DACH2: variants seen among roughly 807,000 people sequenced by gnomAD.
DACH2 encodes the protein dachshund homolog 2.
In DACH2, 17 loss-of-function variants were observed where a neutral mutation model predicts 35.8. The ratio of observed to expected loss-of-function variants is 0.48; its 90% CI spans 0.33 to 0.71. The LOEUF is 0.71. DACH2 is among the 30% of genes least tolerant of loss of function. The pLI is 0.02. For missense variants in DACH2, 469 were observed against 472.7 expected (o/e 0.99, Z 0.07); for synonymous variants, 195 against 177.3 (o/e 1.10, Z -0.79).
At position 86,246,053 on chromosome X, in the gene DACH2, G is replaced by A. The variant is rs772365074; in HGVS notation, c.488+96945G>A. Among the ~76,000 whole-genome samples, 4 of 111,406 alleles carry A rather than the reference G, an allele frequency of 3.6e-5. No homozygotes were observed. The South Asian group carries it at 1.5e-3, about 42-fold the overall frequency. The stretch of plus-strand genomic sequence containing the variant: ...AAGTATTAGCAACAGAATACACCAA[G>A]CCGAGGAAAGGATCTCAGGGCTTGA... On this transcript the variant is annotated intron_variant, in intron 1 of 11. Coordinates refer to ENST00000373125, the MANE Select transcript of DACH2 (RefSeq NM_053281.3).
chrX:86,425,804 G>A, intron 2 of DACH2, among the ~76,000 whole-genome samples: 1 of 110,890 alleles, frequency 9.0e-6, no homozygotes, highest in East Asian at 2.8e-4. Context: ...AGGGTTAGGT[G>A]AGATTTGAGG....
chrX:86,421,911 T>C (rs2036809475), intron 2 of DACH2, among the ~76,000 whole-genome samples: 1 of 111,304 alleles, frequency 9.0e-6, no homozygotes, highest in Non-Finnish European at 1.9e-5. Flanking sequence ...TTCTTACCAT[T>C]GACCTTGCAG....
chrX:86,569,031 A>G (rs770069960), intron 3 of DACH2, among the ~76,000 whole-genome samples: 1 of 111,505 alleles, frequency 9.0e-6, no homozygotes, highest in South Asian at 3.7e-4. Context: ...TTACATAAAC[A>G]CATTTGTTTT....
At chrX:86,483,138 TA>T (rs2037966846) in intron 2 of DACH2, among the ~76,000 whole-genome samples, 1 of 86,705 alleles carries the variant, frequency 1.2e-5, no homozygotes, top group Non-Finnish European at 2.3e-5. Flanking sequence ...TAAAGTATAA[TA>T]ATAAAAAAAA....
At chrX:86,530,491 C>G (rs1241606928) in intron 3 of DACH2, among the ~76,000 whole-genome samples, 3 of 110,941 alleles carry the variant, frequency 2.7e-5, no homozygotes, top group Admixed American at 9.6e-5. Context: ...CTTCCTTTCT[C>G]TCTCTCTTTC....
chrX:86,798,677 C>T (rs151141427), intron 7 of DACH2: 6,117 of 122,701 alleles, frequency 0.05, 174 homozygotes, highest in Non-Finnish European at 0.079. Context: ...GGAATTGGCT[C>T]TGGCAAGGGA....
At position 86,786,092 on chromosome X, in the gene DACH2, A is replaced by G. The variant is rs1476434876; in HGVS notation, c.1241-26764A>G. On this transcript the variant is annotated intron_variant, in intron 7 of 11. Transcript: ENST00000373125. The stretch of plus-strand genomic sequence containing the variant: ...TCTTCCATAATACTAAATATAGACC[A>G]TAGTGACCCCCTAACACCACCCCCA... Among the ~76,000 whole-genome samples, 3 of 111,571 alleles carry G rather than the reference A, an allele frequency of 2.7e-5. No homozygotes were observed. In the East Asian group the frequency reaches 8.5e-4, roughly 32 times the overall value.
chrX:86,291,038 G>A (rs1466028934), intron 1 of DACH2, among the ~76,000 whole-genome samples: 1 of 103,534 alleles, frequency 9.7e-6, no homozygotes, highest in South Asian at 4.7e-4. Flanking sequence ...TCACGATATT[G>A]ATTCTTCCTA....
At chrX:86,461,830 A>T (rs2037579320) in intron 2 of DACH2, among the ~76,000 whole-genome samples, 1 of 111,741 alleles carries the variant, frequency 8.9e-6, no homozygotes, top group Admixed American at 9.6e-5. Context: ...TCATAGAAGT[A>T]TTGTGCTTTA....
chrX:86,791,684 G>GTA (rs750239954), intron 7 of DACH2, among the ~76,000 whole-genome samples: 18 of 111,617 alleles, frequency 1.6e-4, no homozygotes, highest in Non-Finnish European at 2.5e-4. Context: ...TCTGTCATAT[G>GTA]TAATTTAGAA....
At chrX:86,729,293 G>T (rs150598806) in intron 6 of DACH2, among the ~76,000 whole-genome samples, 74 of 112,035 alleles carry the variant, frequency 6.6e-4, no homozygotes, top group African/African-American at 2.3e-3. Flanking sequence ...CTTTCTTTTG[G>T]CTGATTTCTC....
chrX:86,254,841 G>A (rs1602327356), intron 1 of DACH2, among the ~76,000 whole-genome samples: 1 of 82,455 alleles, frequency 1.2e-5, no homozygotes, highest in African/African-American at 4.4e-5. Flanking sequence ...GAGAGAGAAG[G>A]TTTATAAAAC....
At chrX:86,295,058 C>T (rs1160455491) in intron 1 of DACH2, among the ~76,000 whole-genome samples, 1 of 112,776 alleles carries the variant, frequency 8.9e-6, no homozygotes, top group Non-Finnish European at 1.9e-5. Context: ...GACTGCTGTG[C>T]TAGCAATCAG....
At chrX:86,784,155 C>T in intron 7 of DACH2, among the ~76,000 whole-genome samples, 1 of 107,717 alleles carries the variant, frequency 9.3e-6, no homozygotes, top group East Asian at 2.9e-4. Context: ...AAAAAAAAAA[C>T]TAAAAAGGAA....
chrX:86,226,458 T>G (rs767913427), intron 1 of DACH2, among the ~76,000 whole-genome samples: 94 of 111,438 alleles, frequency 8.4e-4, no homozygotes, highest in Non-Finnish European at 1.5e-3. Context: ...AAAAATAACA[T>G]GAGTCTTTCT....
At chrX:86,767,884 G>T (rs185670967) in intron 7 of DACH2, among the ~76,000 whole-genome samples, 1 of 111,752 alleles carries the variant, frequency 8.9e-6, no homozygotes, top group Non-Finnish European at 1.9e-5. Context: ...TCTTCATAAA[G>T]TATGTTACAG....
chrX:86,300,388 A>G (rs1015165486), intron 1 of DACH2, among the ~76,000 whole-genome samples: 3 of 111,331 alleles, frequency 2.7e-5, no homozygotes, highest in African/African-American at 9.8e-5. Flanking sequence ...GTTTTTAAAA[A>G]GTTTATTTTA....
rs192316896 is a variant in DACH2, at chrX:86,605,504, C to A, written c.641-45532C>A. ...ATAAAAAGTCTGATTTAAAAAAAAT[C>A]TTTGTTCTTTTATACGTAATATAAC... On this transcript the variant is annotated intron_variant, in intron 3 of 11. Coordinates refer to ENST00000373125, the MANE Select transcript of DACH2 (RefSeq NM_053281.3). 2.2e-3 allele frequency among the ~76,000 whole-genome samples: 242 copies of A among 110,493 alleles called. 1 individual carries two copies. Among genetic ancestry groups the A allele is most frequent in the Middle Eastern group, 4.7e-3 (1 of 213 alleles).
At chrX:86,186,011 C>T (rs2031671317) in intron 1 of DACH2, among the ~76,000 whole-genome samples, 1 of 112,441 alleles carries the variant, frequency 8.9e-6, no homozygotes, top group South Asian at 3.6e-4. Flanking sequence ...TTATTTATTG[C>T]TAGTATCTTT....
Sources: gnomAD v4.1 joint callset for allele counts (sites outside exome capture counted in the v4.1 genomes callset) on GRCh38, gnomAD v4.1.1 for gene constraint, MANE v1.5 for transcripts, NCBI Gene and HGNC (gene_info 2026-07-23, HGNC 2026-07-21) for gene names.